The following TENM2 variants were observed in gnomAD, a reference collection of about 807,000 sequenced individuals.
The protein encoded by TENM2 is teneurin transmembrane protein 2.
A neutral mutation model predicts 245.2 loss-of-function variants in TENM2; 52 were observed. The observed-to-expected ratio is 0.21, with a 90% CI of 0.17 to 0.27. The LOEUF is 0.27. TENM2 is among the 10% of genes least tolerant of loss of function. The pLI, the probability that TENM2 is intolerant of heterozygous loss-of-function variation, is 1.00. For missense variants in TENM2, 3,046 were observed against 3,666.8 expected (o/e 0.83, Z 4.37); for synonymous variants, 1,363 against 1,438.9 (o/e 0.95, Z 1.19).
intron 2 of TENM2, among the ~76,000 whole-genome samples, chr5:167,761,770 C>T (rs373725931): frequency 6.6e-6 from 1 of 152,192 alleles, no homozygotes; most frequent in Non-Finnish European, 1.5e-5. Flanking sequence ...TCACTTCACT[C>T]CCCAAGCTTC....
chr5:167,914,308 G>T (rs1776764929), intron 3 of TENM2, among the ~76,000 whole-genome samples: 1 of 152,334 alleles, frequency 6.6e-6, no homozygotes, highest in South Asian at 2.1e-4. Flanking sequence ...CAGCAAGGCT[G>T]AATTTCCTTG....
At chr5:167,540,500 A>C (rs903279046) in intron 2 of TENM2, among the ~76,000 whole-genome samples, 1 of 152,248 alleles carries the variant, frequency 6.6e-6, no homozygotes, top group Non-Finnish European at 1.5e-5. Context: ...TTGTGTTGGC[A>C]TATAGCCATG....
chr5:168,109,484 G>A (rs1794504022), intron 9 of TENM2, among the ~76,000 whole-genome samples: 1 of 152,172 alleles, frequency 6.6e-6, no homozygotes, highest in Admixed American at 6.5e-5. Context: ...GCCCAGGTAT[G>A]GTTTTTGAAC....
chr5:167,428,114 T>G (rs761143640), intron 2 of TENM2, among the ~76,000 whole-genome samples: 2 of 152,222 alleles, frequency 1.3e-5, no homozygotes, highest in Non-Finnish European at 2.9e-5. Context: ...TCTTTTACTA[T>G]CTCAATTTAA....
intron 1 of TENM2, among the ~76,000 whole-genome samples, chr5:167,371,844 A>G (rs762000456): frequency 6.6e-6 from 1 of 152,192 alleles, no homozygotes; most frequent in Non-Finnish European, 1.5e-5. Flanking sequence ...TGAGTGATTT[A>G]ATAACTGGAT....
At chr5:168,195,035 G>T in intron 14 of TENM2, 141 bp from the exon 17 acceptor site, 1 of 996,550 alleles carries the variant, frequency 1.0e-6, no homozygotes, top group African/African-American at 1.6e-5. Flanking sequence ...TCACTAGCGT[G>T]ATTGTGCAAA....
chr5:167,992,301 G>GA (rs986809455), intron 4 of TENM2, among the ~76,000 whole-genome samples: 1 of 151,910 alleles, frequency 6.6e-6, no homozygotes, highest in African/African-American at 2.4e-5. Context: ...ATTACAGAAA[G>GA]AAAAAATTAA....
At chr5:167,125,956 T>C in the TENM2 span, among the ~76,000 whole-genome samples, 1 of 152,220 alleles carries the variant, frequency 6.6e-6, no homozygotes, top group Non-Finnish European at 1.5e-5. Context: ...GTTCTGGGGA[T>C]AAAGTATGTT....
intron 2 of TENM2, among the ~76,000 whole-genome samples, chr5:167,796,541 T>TA (rs1765332436): frequency 6.6e-6 from 1 of 152,172 alleles, no homozygotes; most frequent in African/African-American, 2.4e-5. Context: ...TATCCTTAAG[T>TA]CAATTCTCCC....
intron 12 of TENM2, among the ~76,000 whole-genome samples, chr5:168,132,738 G>A (rs17550124): frequency 0.13 from 20,529 of 152,230 alleles, 1,785 homozygotes; most frequent in South Asian, 0.25. Flanking sequence ...AATAAGAGCT[G>A]TTGAAAAACA....
the TENM2 span, among the ~76,000 whole-genome samples, chr5:167,249,207 T>C: frequency 6.6e-6 from 1 of 152,202 alleles, no homozygotes. Context: ...TTAGGTCATG[T>C]TCAAATTGAA....
intron 6 of TENM2, among the ~76,000 whole-genome samples, chr5:168,049,679 A>G (rs1364181610): frequency 6.6e-6 from 1 of 152,262 alleles, no homozygotes; most frequent in Non-Finnish European, 1.5e-5. Context: ...GTCTTTGGAA[A>G]GACCAGAATT....
chr5:168,107,510 A>C (rs1000369281), intron 9 of TENM2, among the ~76,000 whole-genome samples: 2 of 152,012 alleles, frequency 1.3e-5, no homozygotes, highest in African/African-American at 4.8e-5. Context: ...TCTGACTTGT[A>C]GGACTGGTGT....
intron 1 of TENM2, among the ~76,000 whole-genome samples, chr5:167,293,763 CA>C (rs1214918577): frequency 6.6e-6 from 1 of 152,020 alleles, no homozygotes; most frequent in African/African-American, 2.4e-5. Context: ...TGTAGTGTTG[CA>C]ACAAAAATTT....
intron 5 of TENM2, among the ~76,000 whole-genome samples, chr5:167,997,282 C>CTG (rs1784121279): frequency 6.6e-6 from 1 of 152,140 alleles, no homozygotes; most frequent in Admixed American, 6.5e-5. Flanking sequence ...TTGCAGTTAA[C>CTG]CAGTTTCTCA....
chr5:167,968,259 T>G (rs547024674), intron 4 of TENM2, among the ~76,000 whole-genome samples: 5 of 152,346 alleles, frequency 3.3e-5, no homozygotes, highest in Non-Finnish European at 7.3e-5. Flanking sequence ...AAATACTCCT[T>G]TGAGAGGTCA....
At chr5:167,321,749 C>T (rs1227422405) in intron 1 of TENM2, among the ~76,000 whole-genome samples, 2 of 131,462 alleles carry the variant, frequency 1.5e-5, no homozygotes, top group Non-Finnish European at 3.1e-5. Flanking sequence ...TAATGTCTGC[C>T]TGGGCATTGA....
chr5:167,582,007 G>C (rs910073037), intron 2 of TENM2, among the ~76,000 whole-genome samples: 1 of 152,108 alleles, frequency 6.6e-6, no homozygotes, highest in African/African-American at 2.4e-5. Flanking sequence ...ATCAGGAGGA[G>C]AGTTGGAAAA....
intron 6 of TENM2, among the ~76,000 whole-genome samples, chr5:168,058,377 C>T (rs1789741989): frequency 6.6e-6 from 1 of 152,180 alleles, no homozygotes; most frequent in Admixed American, 6.5e-5. Context: ...CTCTGCCTGA[C>T]CTCAGGGAGC....
Sources: allele counts gnomAD v4.1 joint callset (sites outside exome capture counted in the v4.1 genomes callset), GRCh38; gene constraint gnomAD v4.1.1; transcripts MANE v1.5; gene names NCBI Gene and HGNC (gene_info 2026-07-23, HGNC 2026-07-21).